ANKS1B: variants seen among roughly 807,000 people sequenced by gnomAD.
ANKS1B encodes ankyrin repeat and sterile alpha motif domain containing 1B, also known as ankyrin repeat and sterile alpha motif domain-containing protein 1B.
In ANKS1B, 36 loss-of-function variants were observed where a neutral mutation model predicts 148.3. That is an observed-to-expected ratio of 0.24 (90% CI 0.19 to 0.32). The LOEUF (loss-of-function observed/expected upper bound fraction) is 0.32. ANKS1B is among the 10% of genes least tolerant of loss of function. ANKS1B has a pLI of 1.00. For missense variants in ANKS1B, 1,157 were observed against 1,542.6 expected, an observed-to-expected ratio of 0.75 and a Z score of 4.19; for synonymous variants, 542 against 560.8, an observed-to-expected ratio of 0.97 and a Z score of 0.47.
At chr12:99,907,605 A>C (rs1431395600) in intron 1 of ANKS1B, among the ~76,000 whole-genome samples, 1 of 152,158 alleles carries the variant, frequency 6.6e-6, no homozygotes, top group Non-Finnish European at 1.5e-5. Flanking sequence ...AACCGTCAGC[A>C]GGGATGGACA....
chr12:99,620,267 A>T (rs1473111978), intron 9 of ANKS1B, among the ~76,000 whole-genome samples: 3 of 152,212 alleles, frequency 2.0e-5, no homozygotes. Context: ...GAGAATAATT[A>T]CAAAAATTTG....
At chr12:99,129,259 A>G (rs1339515697) in intron 15 of ANKS1B, among the ~76,000 whole-genome samples, 1 of 152,222 alleles carries the variant, frequency 6.6e-6, no homozygotes, top group Non-Finnish European at 1.5e-5. Context: ...GGCATCACTC[A>G]GAGTTCCAGA....
intron 9 of ANKS1B, among the ~76,000 whole-genome samples, chr12:99,629,748 A>G (rs867924913): frequency 2.6e-5 from 4 of 152,084 alleles, no homozygotes; most frequent in Non-Finnish European, 4.4e-5. Context: ...TTTTAAGGGG[A>G]GCAAAATATA....
intron 8 of ANKS1B, among the ~76,000 whole-genome samples, chr12:99,719,628 C>T (rs948914658): frequency 8.5e-5 from 13 of 152,294 alleles, no homozygotes; most frequent in African/African-American, 3.1e-4. Flanking sequence ...CTCACTCTTG[C>T]AAAAGCACTA....
chr12:98,791,414 T>C (rs2098849858), intron 22 of ANKS1B, among the ~76,000 whole-genome samples: 1 of 152,116 alleles, frequency 6.6e-6, no homozygotes, highest in Non-Finnish European at 1.5e-5. Context: ...TATGTGGCTG[T>C]TTCTTTGTGG....
chr12:99,931,133 T>C (rs1307245659), intron 1 of ANKS1B, among the ~76,000 whole-genome samples: 1 of 151,806 alleles, frequency 6.6e-6, no homozygotes, highest in Non-Finnish European at 1.5e-5. Flanking sequence ...ATAGGTGGAA[T>C]TGAACAATGA....
chr12:99,544,309 A>G (rs368495931), intron 9 of ANKS1B, among the ~76,000 whole-genome samples: 5 of 152,104 alleles, frequency 3.3e-5, no homozygotes, highest in African/African-American at 1.2e-4. Flanking sequence ...GTGACAGTCA[A>G]TGTAGTAGGT....
chr12:99,590,758 G>C (rs1418523800), intron 9 of ANKS1B, among the ~76,000 whole-genome samples: 1 of 152,162 alleles, frequency 6.6e-6, no homozygotes, highest in Non-Finnish European at 1.5e-5. Context: ...GACTCAAACA[G>C]TGGTTATTTC....
intron 17 of ANKS1B, among the ~76,000 whole-genome samples, chr12:99,005,895 G>A (rs1404738468): frequency 6.6e-6 from 1 of 152,156 alleles, no homozygotes; most frequent in African/African-American, 2.4e-5. Context: ...GGGCTGAAGG[G>A]TTGGCATAGC....
At chr12:99,692,550 G>A (rs1352830201) in intron 8 of ANKS1B, among the ~76,000 whole-genome samples, 1 of 151,492 alleles carries the variant, frequency 6.6e-6, no homozygotes, top group Non-Finnish European at 1.5e-5. Context: ...GCATGCCTGT[G>A]GTCCCAGCTA....
rs1204740406 is a variant in ANKS1B at position 99,775,607 on chromosome 12, T to C, written c.902A>G (p.Asp301Gly). 6 of 1,613,298 alleles carry C rather than the reference T, an allele frequency of 3.7e-6. No homozygotes were observed. The highest frequency in any genetic ancestry group is 5.1e-6 in the Non-Finnish European group (6 of 1,179,422). Residue 301 changes from aspartate to glycine, a missense_variant, in exon 7 of 27, where the codon GAT becomes GGT. This residue lies in a region of ANKS1B where 661 missense variants were observed against 642.1 expected (regional missense o/e 1.03). Coordinates refer to ENST00000683438, the MANE Select transcript of ANKS1B (RefSeq NM_001352186.2). ...STVLEEPVQE[D>G]ATQETHISSP... ...TGAAATGTGTGTTTCTTGTGTTGCA[T>C]CTTCCTGTACAGGCTCTTCGAGGAC... is the stretch of plus-strand genomic sequence containing the variant.
rs1295963998 is a variant in ANKS1B at position 99,780,111 on chromosome 12, A to G, written c.746-139T>C. 9.6e-6 allele frequency: 6 copies of G among 622,828 alleles called. No homozygotes were observed. The Admixed American group carries it at 1.6e-4, about 16-fold the overall frequency. 38.6% of individuals were successfully genotyped at this position (622,828 alleles called of 1,614,324 possible). A position where few individuals can be genotyped will look rare whatever the true frequency, so the allele number is the denominator to read the frequency against. On this transcript the variant is annotated intron_variant, in intron 5 of 26. Coordinates refer to ENST00000683438, the MANE Select transcript of ANKS1B (RefSeq NM_001352186.2). ...ATTTTTAAAAAATTAAGTTCTACACACACACATACACACACACATGCGCAC... is the reference window on the plus strand; with the variant it reads ...ATTTTTAAAAAATTAAGTTCTACACGCACACATACACACACACATGCGCAC...
chr12:99,416,680 A>G (rs2094919409), intron 11 of ANKS1B, among the ~76,000 whole-genome samples: 1 of 152,022 alleles, frequency 6.6e-6, no homozygotes, highest in Non-Finnish European at 1.5e-5. Context: ...TCTTCTGCCC[A>G]TTTTCTAATT....
intron 1 of ANKS1B, among the ~76,000 whole-genome samples, chr12:99,855,549 T>A (rs527570998): frequency 6.6e-6 from 1 of 152,214 alleles, no homozygotes; most frequent in African/African-American, 2.4e-5. Flanking sequence ...AACTATACCC[T>A]AAAACAAACG....
chr12:99,376,406 T>C (rs1272047443), intron 12 of ANKS1B, among the ~76,000 whole-genome samples: 1 of 152,202 alleles, frequency 6.6e-6, no homozygotes, highest in South Asian at 2.1e-4. Flanking sequence ...GTCTCTTTAA[T>C]ACCAAGTTCA....
chr12:99,078,395 G>C (rs2048531222), intron 16 of ANKS1B, among the ~76,000 whole-genome samples: 1 of 152,114 alleles, frequency 6.6e-6, no homozygotes, highest in Admixed American at 6.5e-5. Context: ...TTACTGATTT[G>C]TGTATATCAC....
At chr12:99,377,091 TC>T (rs546713618) in intron 12 of ANKS1B, among the ~76,000 whole-genome samples, 1 of 152,132 alleles carries the variant, frequency 6.6e-6, no homozygotes, top group South Asian at 2.1e-4. Context: ...CACTGCAACT[TC>T]CGCCTCCCAG....
chr12:99,849,860 C>A (rs1247469328), intron 1 of ANKS1B, among the ~76,000 whole-genome samples: 1 of 152,034 alleles, frequency 6.6e-6, no homozygotes. Context: ...GAGATGCTAG[C>A]AATATTCTAT....
chr12:99,441,582 A>G (rs1214465003), intron 11 of ANKS1B, among the ~76,000 whole-genome samples: 3 of 151,982 alleles, frequency 2.0e-5, no homozygotes, highest in African/African-American at 7.2e-5. Flanking sequence ...AAGAAAATAT[A>G]TAGATATATA....
Sources: gnomAD v4.1 joint callset for allele counts (sites outside exome capture counted in the v4.1 genomes callset) on GRCh38, gnomAD v4.1.1 for gene constraint, gnomAD v4.1.1 regional missense constraint, MANE v1.5 for transcripts, NCBI Gene and HGNC (gene_info 2026-07-23, HGNC 2026-07-21) for gene names.